LYPD6: variants seen among roughly 807,000 people sequenced by gnomAD.
LYPD6 encodes LY6/PLAUR domain containing 6.
In LYPD6, 15 loss-of-function variants were observed where a neutral mutation model predicts 22.7. The ratio of observed to expected loss-of-function variants is 0.66; its 90% CI spans 0.44 to 1.02. The LOEUF is 1.02. LYPD6 is among the 50% of genes least tolerant of loss of function. The pLI, the probability that LYPD6 is intolerant of heterozygous loss-of-function variation, is 0.00. For synonymous variants in LYPD6, 72 were observed against 77.5 expected, an observed-to-expected ratio of 0.93 and a Z score of 0.37; for missense variants, 189 against 208.4, an observed-to-expected ratio of 0.91 and a Z score of 0.57.
At chr2:149,403,794 T>G (rs929019065) in intron 1 of LYPD6, among the ~76,000 whole-genome samples, 1 of 152,182 alleles carries the variant, frequency 6.6e-6, no homozygotes, top group Non-Finnish European at 1.5e-5. Context: ...GTTTTAGACA[T>G]GAAGTCCTTG....
At chr2:149,394,951 G>A (rs1355770730) in intron 1 of LYPD6, among the ~76,000 whole-genome samples, 1 of 152,116 alleles carries the variant, frequency 6.6e-6, no homozygotes, top group East Asian at 1.9e-4. Flanking sequence ...TGGTGGACAA[G>A]ATATTCCAAA....
chr2:149,350,382 G>A (rs1372157043), intron 1 of LYPD6, among the ~76,000 whole-genome samples: 1 of 152,200 alleles, frequency 6.6e-6, no homozygotes, highest in East Asian at 1.9e-4. Flanking sequence ...GGTGTTAATT[G>A]TTTGGCATAA....
At chr2:149,450,978 T>G (rs1157196213) in intron 3 of LYPD6, among the ~76,000 whole-genome samples, 1 of 152,234 alleles carries the variant, frequency 6.6e-6, no homozygotes, top group Non-Finnish European at 1.5e-5. Context: ...GCTGGCTGAT[T>G]TGCTTTTGAA....
At chr2:149,431,769 C>T (rs1481570026) in intron 1 of LYPD6, among the ~76,000 whole-genome samples, 1 of 151,998 alleles carries the variant, frequency 6.6e-6, no homozygotes, top group African/African-American at 2.4e-5. Context: ...AATGTGTGGG[C>T]TCTATCAAAA....
rs1486254757 is a variant in LYPD6, at chr2:149,471,685, A to G, written c.*835A>G. On this transcript the variant is annotated 3_prime_UTR_variant, in exon 5 of 5. Coordinates refer to ENST00000334166, the MANE Select transcript of LYPD6 (RefSeq NM_194317.5). ...AAACCAGGATGGAGTTGTTTTCCCC[A>G]GATATGGGGTTCTATTCAGCCATAG... The G allele has an allele frequency of 6.6e-6, 1 of 152,512 alleles. No homozygotes were observed. The highest frequency in any genetic ancestry group is 2.4e-5 in the African/African-American group (1 of 41,444). The allele number at this position is 152,512 out of a possible 1,614,324, so 9.4% of individuals were successfully genotyped here.
chr2:149,419,983 C>T (rs988956955), intron 1 of LYPD6, among the ~76,000 whole-genome samples: 1 of 152,168 alleles, frequency 6.6e-6, no homozygotes, highest in Non-Finnish European at 1.5e-5. Flanking sequence ...GTATCATTAG[C>T]TTTCCTGTTG....
At chr2:149,334,771 T>A in intron 1 of LYPD6, among the ~76,000 whole-genome samples, 1 of 151,530 alleles carries the variant, frequency 6.6e-6, no homozygotes, top group Non-Finnish European at 1.5e-5. Flanking sequence ...TTTTTTTTTT[T>A]TCTGAAGAAG....
At chr2:149,446,032 A>T (rs1446017978) in intron 2 of LYPD6, among the ~76,000 whole-genome samples, 2 of 152,128 alleles carry the variant, frequency 1.3e-5, no homozygotes, top group Admixed American at 1.3e-4. Context: ...TAGGGATACT[A>T]GTTGGCCTAA....
intron 1 of LYPD6, among the ~76,000 whole-genome samples, chr2:149,391,405 G>A (rs1682306902): frequency 6.6e-6 from 1 of 151,734 alleles, no homozygotes; most frequent in Non-Finnish European, 1.5e-5. Flanking sequence ...TTGCCCTAAA[G>A]AAACGCACCT....
chr2:149,378,550 T>C (rs186674792), intron 1 of LYPD6, among the ~76,000 whole-genome samples: 51 of 152,376 alleles, frequency 3.3e-4, no homozygotes, highest in African/African-American at 1.2e-3. Flanking sequence ...TTTGGATGTC[T>C]CTTATCTGTA....
At chr2:149,383,302 G>A (rs1436218113) in intron 1 of LYPD6, among the ~76,000 whole-genome samples, 1 of 152,100 alleles carries the variant, frequency 6.6e-6, no homozygotes. Context: ...TGTTCATTTT[G>A]TAATATTTTT....
rs59618488 is a variant in LYPD6, at chr2:149,336,928, C to CTTGTGTGTGTGT, written c.-72+6206_-72+6207insTTGTGTGTGTGT. Among the ~76,000 whole-genome samples the CTTGTGTGTGTGT allele has an allele frequency of 1.0e-2, 1,485 of 148,534 alleles. 11 individuals are homozygous for CTTGTGTGTGTGT. Among genetic ancestry groups the CTTGTGTGTGTGT allele is most frequent in the Middle Eastern group, 0.038 (11 of 288 alleles). ...TAAAAAGGGCAGCATGTTGAAATAA[C>CTTGTGTGTGTGT]GTGTGTGTGTGTGTGTGTGTGTGTG... On this transcript the variant is annotated intron_variant, in intron 1 of 4. Coordinates refer to ENST00000334166, the MANE Select transcript of LYPD6 (RefSeq NM_194317.5).
chr2:149,344,465 G>A (rs1342938827), intron 1 of LYPD6, among the ~76,000 whole-genome samples: 1 of 152,122 alleles, frequency 6.6e-6, no homozygotes, highest in Non-Finnish European at 1.5e-5. Context: ...TAATATTTCA[G>A]AAAAGAATAA....
At chr2:149,386,570 A>G (rs1346087934) in intron 1 of LYPD6, among the ~76,000 whole-genome samples, 3 of 152,200 alleles carry the variant, frequency 2.0e-5, no homozygotes, top group African/African-American at 7.2e-5. Context: ...CATATTCCCA[A>G]TTGCTGAAAA....
intron 1 of LYPD6, among the ~76,000 whole-genome samples, chr2:149,412,921 T>C (rs1682883862): frequency 6.6e-6 from 1 of 152,216 alleles, no homozygotes. Flanking sequence ...ATGCTCTCCA[T>C]ACTACCTTTT....
the LYPD6 span, among the ~76,000 whole-genome samples, chr2:149,485,381 G>C: frequency 2.6e-5 from 4 of 152,150 alleles, no homozygotes; most frequent in Non-Finnish European, 5.9e-5. Context: ...GAGGCTAAAG[G>C]GTTGCAGATA....
At chr2:149,456,891 A>G (rs533929918) in intron 3 of LYPD6, among the ~76,000 whole-genome samples, 21 of 152,320 alleles carry the variant, frequency 1.4e-4, no homozygotes, top group South Asian at 4.1e-4. Context: ...GGAATCATGC[A>G]GTATAACTCT....
In LYPD6 at chr2:149,468,647, A is replaced by T. The variant is rs747052647; in HGVS notation, c.220A>T (p.Thr74Ser). 3.1e-6 allele frequency: 5 copies of T among 1,612,690 alleles called. No individual in the cohort carries two copies. The African/African-American group carries it at 6.7e-5, about 22-fold the overall frequency. ...AAATATATTTTCTCTGTTGACAGAG[A>T]CCAGATACTGCTACACTCAGCACAC... is the stretch of plus-strand genomic sequence containing the variant. ...WAPDIYCPRETRYCYTQHTME... is the reference protein window; with the variant it reads ...WAPDIYCPRESRYCYTQHTME... Residue 74 changes from threonine to serine, a missense_variant and splice_region_variant, in exon 4 of 5, where the codon ACC becomes TCC. Physicochemically the swap from Thr to Ser is moderately conservative, Grantham distance 58 (BLOSUM62 1). Transcript: ENST00000334166.
intron 1 of LYPD6, chr2:149,370,486 C>T (rs537851354): frequency 6.6e-6 from 1 of 152,132 alleles, no homozygotes; most frequent in East Asian, 1.9e-4. Context: ...TGCTGTTCAT[C>T]CCTGTTTCCC....
Sources: allele counts gnomAD v4.1 joint callset (sites outside exome capture counted in the v4.1 genomes callset), GRCh38; gene constraint gnomAD v4.1.1; transcripts MANE v1.5; gene names NCBI Gene and HGNC (gene_info 2026-07-23, HGNC 2026-07-21).